The following DCDC2C variants were observed in gnomAD, a reference collection of about 807,000 sequenced individuals.
DCDC2C encodes doublecortin domain containing 2C.
In DCDC2C, 44 loss-of-function variants were observed where a neutral mutation model predicts 45.0. The ratio of observed to expected loss-of-function variants is 0.98; its 90% CI spans 0.77 to 1.26. The LOEUF (loss-of-function observed/expected upper bound fraction) is 1.26, where lower values mean the gene tolerates loss of function less well. Ranked by LOEUF, DCDC2C falls within the 50% of genes most tolerant of loss-of-function variation. The probability of loss-of-function intolerance (pLI) is 0.00; values close to 1 mark genes in which losing one functional copy is unlikely to be tolerated. For missense variants in DCDC2C, 447 were observed against 468.9 expected (o/e 0.95, Z 0.43); for synonymous variants, 187 against 178.8 (o/e 1.05, Z -0.37).
intron 2 of DCDC2C, among the ~76,000 whole-genome samples, chr2:3,719,322 T>A (rs185360392): frequency 7.9e-5 from 12 of 152,302 alleles, no homozygotes. Flanking sequence ...TCTGACCTCA[T>A]GATCTGCCCG....
At chr2:3,721,580 A>G (rs548778529) in intron 2 of DCDC2C, among the ~76,000 whole-genome samples, 150 of 152,202 alleles carry the variant, frequency 9.9e-4, no homozygotes, top group African/African-American at 3.4e-3. Context: ...AGCCACAATA[A>G]TTGCTGTTTG....
chr2:3,846,132 C>T (rs1431175276), intron 10 of DCDC2C, among the ~76,000 whole-genome samples: 1 of 151,976 alleles, frequency 6.6e-6, no homozygotes, highest in Admixed American at 6.6e-5. Flanking sequence ...CTTCCCTCCT[C>T]GTCCTCTTCT....
At position 3,761,327 on chromosome 2, in the gene DCDC2C, G is replaced by T. The variant is rs566862605; in HGVS notation, c.727-6427G>T. ...TTCTGGGCATAGAGCACAAGTGTTCGTAGTGAACGGTAATGAAAAGGAGAT... is the reference window on the plus strand; with the variant it reads ...TTCTGGGCATAGAGCACAAGTGTTCTTAGTGAACGGTAATGAAAAGGAGAT... On this transcript the variant is annotated intron_variant, in intron 6 of 10. Transcript: ENST00000399143. The surrounding 1 kb of genome is among the most constrained non-coding windows in gnomAD (Gnocchi z 4.3). 1.3e-5 allele frequency among the ~76,000 whole-genome samples: 2 copies of T among 152,182 alleles called. No individual in the cohort carries two copies. The highest frequency in any genetic ancestry group is 2.9e-5 in the Non-Finnish European group (2 of 68,040).
At position 3,778,810 on chromosome 2, in the gene DCDC2C, C is replaced by T. The variant is rs757278838; in HGVS notation, c.955-6C>T. ...GTTGATAAAATGTGGTGTATTTTCTCCCCAGAGACAAGCTGAGATAGTTAA... is the reference window on the plus strand; with the variant it reads ...GTTGATAAAATGTGGTGTATTTTCTTCCCAGAGACAAGCTGAGATAGTTAA... On this transcript the variant is annotated splice_polypyrimidine_tract_variant and splice_region_variant and intron_variant, in intron 8 of 10. Transcript: ENST00000399143. The T allele has an allele frequency of 2.2e-5, 34 of 1,550,716 alleles. No homozygotes were observed. The highest frequency in any genetic ancestry group is 4.8e-5 in the South Asian group (4 of 83,980).
At chr2:3,804,393 T>C (rs1336430846) in intron 10 of DCDC2C, among the ~76,000 whole-genome samples, 1 of 152,224 alleles carries the variant, frequency 6.6e-6, no homozygotes, top group East Asian at 1.9e-4. Flanking sequence ...CATTATTTCA[T>C]TTCCTGCTTT....
intron 9 of DCDC2C, among the ~76,000 whole-genome samples, 199 bp from the exon 10 acceptor site, chr2:3,784,860 T>C (rs147589941): frequency 1.3e-5 from 2 of 152,040 alleles, no homozygotes; most frequent in East Asian, 3.9e-4. Context: ...GGAAACAAAA[T>C]GGAAGGAAGT....
At chr2:3,764,100 T>G (rs1413319975) in intron 6 of DCDC2C, among the ~76,000 whole-genome samples, 1 of 152,248 alleles carries the variant, frequency 6.6e-6, no homozygotes, top group African/African-American at 2.4e-5. Flanking sequence ...CTTCATCATT[T>G]CTCATCGCTT....
At chr2:3,772,552 T>C (rs1380165841) in intron 8 of DCDC2C, among the ~76,000 whole-genome samples, 1 of 152,156 alleles carries the variant, frequency 6.6e-6, no homozygotes, top group Non-Finnish European at 1.5e-5. Flanking sequence ...CCTCACTGAA[T>C]GTGGGCAGGG....
chr2:3,730,462 T>A (rs1438553911), intron 3 of DCDC2C, among the ~76,000 whole-genome samples: 1 of 152,048 alleles, frequency 6.6e-6, no homozygotes, highest in Non-Finnish European at 1.5e-5. Flanking sequence ...GAGACCATCA[T>A]TACGACAGAA....
intron 10 of DCDC2C, among the ~76,000 whole-genome samples, chr2:3,805,179 A>C (rs1671208534): frequency 6.6e-6 from 1 of 152,208 alleles, no homozygotes; most frequent in Non-Finnish European, 1.5e-5. Flanking sequence ...GAGAAAGTGG[A>C]AGTTGCAGAC....
intron 8 of DCDC2C, among the ~76,000 whole-genome samples, chr2:3,772,061 C>T (rs1424876649): frequency 6.6e-6 from 1 of 152,214 alleles, no homozygotes; most frequent in Non-Finnish European, 1.5e-5. Flanking sequence ...CAGTATTACA[C>T]TTTCTCCAGT....
chr2:3,708,892 G>A (rs908372898), intron 2 of DCDC2C, among the ~76,000 whole-genome samples: 1 of 152,186 alleles, frequency 6.6e-6, no homozygotes. Flanking sequence ...TTTTGGGGGG[G>A]TTTGGAAAGA....
At chr2:3,750,645 G>T (rs1289747644) in intron 4 of DCDC2C, among the ~76,000 whole-genome samples, 1 of 152,114 alleles carries the variant, frequency 6.6e-6, no homozygotes, top group Non-Finnish European at 1.5e-5. Context: ...TCTCCCCAGT[G>T]CCTTTAGGAT....
intron 10 of DCDC2C, among the ~76,000 whole-genome samples, chr2:3,834,322 C>T (rs1672022128): frequency 6.6e-6 from 1 of 152,160 alleles, no homozygotes; most frequent in Non-Finnish European, 1.5e-5. Context: ...GCTTCACTCT[C>T]CTAAAAATCC....
chr2:3,758,109 CAG>C (rs1298166207), intron 6 of DCDC2C, among the ~76,000 whole-genome samples: 1 of 152,192 alleles, frequency 6.6e-6, no homozygotes, highest in Non-Finnish European at 1.5e-5. Flanking sequence ...GCAAAATAGA[CAG>C]AGAAGGGCTG....
At chr2:3,831,256 G>T (rs1369188533) in intron 10 of DCDC2C, among the ~76,000 whole-genome samples, 1 of 152,182 alleles carries the variant, frequency 6.6e-6, no homozygotes, top group East Asian at 1.9e-4. Flanking sequence ...ACTTACAGCT[G>T]TGCATTGCTC....
In DCDC2C at chr2:3,703,603, G is replaced by A. The variant is rs978161312; in HGVS notation, c.-149G>A. 4 of 755,278 alleles carry A rather than the reference G, an allele frequency of 5.3e-6. No homozygotes were observed. Among genetic ancestry groups the A allele is most frequent in the East Asian group, 7.8e-5 (2 of 25,672 alleles). 46.8% of individuals were successfully genotyped at this position (755,278 alleles called of 1,614,324 possible). A position where few individuals can be genotyped will look rare whatever the true frequency, so the allele number is the denominator to read the frequency against. ...CCCGTCCCGTCCCCGTCCAGCCCCC[G>A]TCCCGTCCCCGTCCCGTCCCCGTCC... On this transcript the variant is annotated 5_prime_UTR_variant, in exon 1 of 11. Transcript: ENST00000399143. The surrounding 1 kb of genome is among the most constrained non-coding windows in gnomAD (Gnocchi z 4.4).
At chr2:3,846,148 C>T (rs902057765) in intron 10 of DCDC2C, among the ~76,000 whole-genome samples, 3 of 151,864 alleles carry the variant, frequency 2.0e-5, no homozygotes, top group Non-Finnish European at 1.5e-5. Flanking sequence ...CTTCTTCCTC[C>T]TCCTCCTCCT....
At chr2:3,768,008 T>C in intron 7 of DCDC2C, 128 bp downstream of exon 7, 1 of 1,090,696 alleles carries the variant, frequency 9.2e-7, no homozygotes, top group South Asian at 2.2e-5. Flanking sequence ...ATCTGCTTTA[T>C]TAATAAAAGG....
Sources: gnomAD v4.1 joint callset for allele counts (sites outside exome capture counted in the v4.1 genomes callset) on GRCh38, gnomAD v4.1.1 for gene constraint, Gnocchi (gnomAD v3.1) non-coding constraint, MANE v1.5 for transcripts, NCBI Gene and HGNC (gene_info 2026-07-23, HGNC 2026-07-21) for gene names.